MEIS2: variants seen among roughly 807,000 people sequenced by gnomAD.
The protein encoded by MEIS2 is homeobox protein Meis2.
MEIS2 carries 9 observed loss-of-function variants against 58.6 expected under a neutral mutation model. That is an observed-to-expected ratio of 0.15 (90% confidence interval 0.09 to 0.27). The LOEUF is 0.27. Ranked by LOEUF, MEIS2 falls within the 10% of genes least tolerant of loss-of-function variation. The probability of loss-of-function intolerance (pLI) is 1.00; values close to 1 mark genes in which losing one functional copy is unlikely to be tolerated. For synonymous variants in MEIS2, 221 were observed against 228.4 expected (o/e 0.97, Z 0.29); for missense variants, 427 against 635.0 (o/e 0.67, Z 3.52).
At chr15:37,029,591 C>A (rs898244340) in intron 8 of MEIS2, among the ~76,000 whole-genome samples, 2 of 152,162 alleles carry the variant, frequency 1.3e-5, no homozygotes, top group African/African-American at 2.4e-5. Flanking sequence ...AGGTGGGTAG[C>A]ACTACATCTC....
At chr15:36,894,501 T>TA in intron 11 of MEIS2, 1 of 392,494 alleles carries the variant, frequency 2.5e-6, no homozygotes, top group Non-Finnish European at 4.7e-6. Context: ...CCCACCTGCT[T>TA]AAAACACACG....
At position 37,056,820 on chromosome 15, in the gene MEIS2, T is replaced by C. The variant is rs1282044215; in HGVS notation, c.755-19861A>G. 5.9e-5 allele frequency among the ~76,000 whole-genome samples: 9 copies of C among 152,308 alleles called. No individual in the cohort carries two copies. The South Asian group carries it at 1.9e-3, about 32-fold the overall frequency. On this transcript the variant is annotated intron_variant, in intron 7 of 11. Coordinates refer to ENST00000561208, the MANE Select transcript of MEIS2 (RefSeq NM_170675.5). ...GCCCTGACCCCCACCCTGGGCACAA[T>C]GGAGCAGGGTCCAGCTCCGAACCGC...
intron 8 of MEIS2, among the ~76,000 whole-genome samples, chr15:37,034,970 T>C (rs1208935318): frequency 6.6e-6 from 1 of 152,170 alleles, no homozygotes; most frequent in Non-Finnish European, 1.5e-5. Context: ...CTGCATTCTC[T>C]AAGGTTCTAC....
At chr15:37,082,620 T>C (rs1366506480) in intron 7 of MEIS2, among the ~76,000 whole-genome samples, 1 of 152,208 alleles carries the variant, frequency 6.6e-6, no homozygotes, top group African/African-American at 2.4e-5. Flanking sequence ...ATATATTATA[T>C]AGGTGCAAGT....
intron 9 of MEIS2, among the ~76,000 whole-genome samples, chr15:36,902,995 A>T (rs1305830490): frequency 6.6e-6 from 1 of 152,134 alleles, no homozygotes; most frequent in Admixed American, 6.5e-5. Context: ...ATTTTTATAC[A>T]TAAAAGAATT....
At chr15:37,013,260 A>T (rs766887406) in intron 8 of MEIS2, among the ~76,000 whole-genome samples, 5 of 152,150 alleles carry the variant, frequency 3.3e-5, no homozygotes, top group Non-Finnish European at 7.3e-5. Context: ...GAAGAGCAGA[A>T]GAGAGGAGAG....
At chr15:37,018,393 A>G (rs1390103356) in intron 8 of MEIS2, among the ~76,000 whole-genome samples, 1 of 152,238 alleles carries the variant, frequency 6.6e-6, no homozygotes, top group African/African-American at 2.4e-5. Flanking sequence ...TCTAGCCAGT[A>G]AGACCCACAT....
chr15:36,998,157 G>T (rs113006537), intron 8 of MEIS2, among the ~76,000 whole-genome samples: 18 of 150,816 alleles, frequency 1.2e-4, no homozygotes, highest in African/African-American at 3.9e-4. Context: ...CCCATAAATG[G>T]TACCATAGTT....
intron 6 of MEIS2, among the ~76,000 whole-genome samples, chr15:37,088,540 T>C (rs1263913294): frequency 2.6e-5 from 4 of 152,306 alleles, no homozygotes; most frequent in Non-Finnish European, 2.9e-5. Context: ...TTGTGTGGTT[T>C]GAACAAATGT....
At chr15:37,040,042 T>C (rs1347093150) in intron 7 of MEIS2, among the ~76,000 whole-genome samples, 1 of 136,540 alleles carries the variant, frequency 7.3e-6, no homozygotes, top group African/African-American at 2.7e-5. Context: ...AACATGGATA[T>C]TGGTGTTTTT....
At chr15:37,046,285 G>A (rs1488269299) in intron 7 of MEIS2, among the ~76,000 whole-genome samples, 1 of 152,204 alleles carries the variant, frequency 6.6e-6, no homozygotes, top group Non-Finnish European at 1.5e-5. Context: ...CTAACTCAGT[G>A]ATCCCGAGAC....
chr15:37,093,744 C>A lies in MEIS2; in HGVS notation c.490-14G>T, dbSNP rs1168034791. 6.2e-7 allele frequency: 1 copy of A among 1,613,398 alleles called. No homozygotes were observed. Among genetic ancestry groups the A allele is most frequent in the East Asian group, 2.2e-5 (1 of 44,854 alleles). On this transcript the variant is annotated splice_polypyrimidine_tract_variant and intron_variant, in intron 5 of 11. Coordinates refer to ENST00000561208, the MANE Select transcript of MEIS2 (RefSeq NM_170675.5). ...CAGTTCGTGGACCTAGAACGAAGGT[C>A]ATGGTGGAGGGTTTAGCTCATGTTG...
intron 8 of MEIS2, among the ~76,000 whole-genome samples, chr15:37,021,162 T>C (rs2061513839): frequency 6.6e-6 from 1 of 152,208 alleles, no homozygotes; most frequent in African/African-American, 2.4e-5. Flanking sequence ...AGCTAACTAA[T>C]ATACTCTTCT....
chr15:37,062,179 G>A (rs930043392), intron 7 of MEIS2, among the ~76,000 whole-genome samples: 1 of 152,126 alleles, frequency 6.6e-6, no homozygotes, highest in Admixed American at 6.5e-5. Context: ...CTGATCTCCA[G>A]GCCAATACTC....
intron 8 of MEIS2, among the ~76,000 whole-genome samples, chr15:36,973,181 T>C (rs2059626218): frequency 6.6e-6 from 1 of 152,178 alleles, no homozygotes; most frequent in Non-Finnish European, 1.5e-5. Context: ...AAGAAAATGA[T>C]AGAATCATGC....
chr15:36,892,344 A>G lies in MEIS2; in HGVS notation c.1263T>C (p.His421=), dbSNP rs199728455. The G allele has an allele frequency of 5.6e-6, 9 of 1,613,924 alleles. No individual in the cohort carries two copies. The Admixed American group carries it at 1.3e-4, about 24-fold the overall frequency. ...GCAAATATGAATGCATTGGGGGTCC[A>G]TGTCTTAATTGAGTAGGGTGTGGGG... The part of the protein sequence containing the change: ...QMTPHPTQLR[H]GPPMHSYLPS... The change falls in exon 12 of 12, where the codon CAT becomes CAC. Residue 421 remains histidine, a synonymous_variant. Coordinates refer to ENST00000561208, the MANE Select transcript of MEIS2 (RefSeq NM_170675.5).
rs539738718 is a variant in MEIS2 at position 36,995,956 on chromosome 15, GATATATATATATATATATATATAT to G, written c.900+40834_900+40857del. ...TAGTTAACCATTTCCTCTAGTCTGA[GATATATATATATATATATATATAT>G]ATATATATATATATATATATATGTA... On this transcript the variant is annotated intron_variant, in intron 8 of 11. Coordinates refer to ENST00000561208, the MANE Select transcript of MEIS2 (RefSeq NM_170675.5). 1.1e-3 allele frequency among the ~76,000 whole-genome samples: 123 copies of G among 112,932 alleles called. 2 individuals are homozygous for G. The highest frequency in any genetic ancestry group is 2.5e-3 in the African/African-American group (76 of 30,080). The allele number at this position is 112,932 out of a possible 152,430, so 74.1% of individuals were successfully genotyped here. A position where few individuals can be genotyped will look rare whatever the true frequency, so the allele number is the denominator to read the frequency against.
At chr15:36,991,453 T>C (rs557466215) in intron 8 of MEIS2, among the ~76,000 whole-genome samples, 24 of 103,818 alleles carry the variant, frequency 2.3e-4, no homozygotes, top group Non-Finnish European at 4.6e-4. Context: ...TGTCATCACC[T>C]ACATTATTGT....
At chr15:37,046,377 C>A (rs746739460) in intron 7 of MEIS2, among the ~76,000 whole-genome samples, 2 of 152,108 alleles carry the variant, frequency 1.3e-5, no homozygotes, top group Non-Finnish European at 2.9e-5. Context: ...GAAAACCCAG[C>A]CAAGGCTGTG....
Sources: allele counts gnomAD v4.1 joint callset (sites outside exome capture counted in the v4.1 genomes callset), GRCh38; gene constraint gnomAD v4.1.1; transcripts MANE v1.5; gene names NCBI Gene and HGNC (gene_info 2026-07-23, HGNC 2026-07-21).